The following CHN2 variants were observed in gnomAD, a reference collection of about 807,000 sequenced individuals.
CHN2 encodes the protein chimerin 2.
CHN2 carries 35 observed loss-of-function variants against 56.3 expected under a neutral mutation model. The observed-to-expected ratio is 0.62, with a 90% confidence interval of 0.47 to 0.82. The LOEUF (loss-of-function observed/expected upper bound fraction) is 0.82. Among genes scored for constraint, CHN2 ranks in the 40% least tolerant of loss-of-function variants. CHN2 has a pLI of 0.00. For synonymous variants in CHN2, 210 were observed against 212.8 expected (o/e 0.99, Z 0.12); for missense variants, 491 against 580.5 (o/e 0.85, Z 1.58).
chr7:29,169,667 C>T (rs1796344275), intron 2 of CHN2, among the ~76,000 whole-genome samples: 1 of 152,050 alleles, frequency 6.6e-6, no homozygotes, highest in East Asian at 1.9e-4. Flanking sequence ...TGGCTGCCAT[C>T]ATGTGCTGCT....
chr7:29,242,759 G>GAAAAA (rs57273690), intron 1 of CHN2, among the ~76,000 whole-genome samples: 1 of 59,730 alleles, frequency 1.7e-5, no homozygotes, highest in African/African-American at 7.1e-5. Context: ...CTTTCCTTCT[G>GAAAAA]AAAAAAAAAA....
intron 6 of CHN2, among the ~76,000 whole-genome samples, chr7:29,467,921 A>G (rs60772695): frequency 0.056 from 8,472 of 152,194 alleles, 337 homozygotes; most frequent in East Asian, 0.22. Flanking sequence ...TACGATTCTA[A>G]TAAGATTTAG....
chr7:29,305,170 TTCCC>T (rs1794043047), intron 1 of CHN2, among the ~76,000 whole-genome samples: 2 of 152,116 alleles, frequency 1.3e-5, no homozygotes, highest in African/African-American at 4.8e-5. Context: ...GGCCAGGAAA[TTCCC>T]AGTGATTGTT....
At chr7:29,377,198 A>G (rs1800140767) in intron 3 of CHN2, among the ~76,000 whole-genome samples, 1 of 151,814 alleles carries the variant, frequency 6.6e-6, no homozygotes, top group African/African-American at 2.4e-5. Flanking sequence ...TAATTTTTGT[A>G]TTTTTAGTAG....
At chr7:29,447,008 C>G (rs1245155975) in intron 6 of CHN2, among the ~76,000 whole-genome samples, 4 of 152,170 alleles carry the variant, frequency 2.6e-5, no homozygotes, top group African/African-American at 9.7e-5. Flanking sequence ...GTAACTTTAA[C>G]TGCATCCAAA....
chr7:29,217,567 T>A (rs1163121847), intron 1 of CHN2, among the ~76,000 whole-genome samples: 2 of 152,210 alleles, frequency 1.3e-5, no homozygotes, highest in Non-Finnish European at 2.9e-5. Context: ...AGAAAATTAA[T>A]CTTCATGATG....
At chr7:29,203,600 C>A (rs1225885609) in intron 1 of CHN2, among the ~76,000 whole-genome samples, 1 of 151,334 alleles carries the variant, frequency 6.6e-6, no homozygotes, top group Non-Finnish European at 1.5e-5. Context: ...GCGTGGCTTA[C>A]ATTATATTTG....
chr7:29,347,671 GA>G (rs1797563051), intron 1 of CHN2, among the ~76,000 whole-genome samples: 1 of 152,188 alleles, frequency 6.6e-6, no homozygotes, highest in Admixed American at 6.5e-5. Context: ...CAGTTTTCAA[GA>G]TGAAACTTGA....
At chr7:29,507,534 T>C (rs1386973736) in intron 11 of CHN2, among the ~76,000 whole-genome samples, 169 bp downstream of exon 11, 2 of 152,236 alleles carry the variant, frequency 1.3e-5, no homozygotes, top group African/African-American at 4.8e-5. Flanking sequence ...ACAGCTGAGC[T>C]GAACCAGTTC....
In CHN2 at chr7:29,448,519, G is replaced by A. The variant is rs79861285; in HGVS notation, c.577-31760G>A. 5.0e-3 allele frequency among the ~76,000 whole-genome samples: 767 copies of A among 152,166 alleles called. 2 individuals are homozygous for A. Among genetic ancestry groups the A allele is most frequent in the Middle Eastern group, 0.014 (4 of 294 alleles). ...TTCTTCACCAGCTACCCCACCCCAA[G>A]CTTTTAGATGTGACCCAGTCTCCTA... On this transcript the variant is annotated intron_variant, in intron 6 of 12. Transcript: ENST00000222792.
At chr7:29,306,247 C>A (rs1332894474) in intron 1 of CHN2, among the ~76,000 whole-genome samples, 2 of 152,148 alleles carry the variant, frequency 1.3e-5, no homozygotes, top group South Asian at 4.1e-4. Context: ...GACTTGAAAG[C>A]ATTCTATTGC....
At chr7:29,166,151 C>CT (rs1417000710) in intron 2 of CHN2, among the ~76,000 whole-genome samples, 4 of 152,200 alleles carry the variant, frequency 2.6e-5, no homozygotes, top group South Asian at 4.2e-4. Context: ...CTGCCTCACC[C>CT]TCCCAAGTAG....
chr7:29,386,157 G>A (rs571505518), intron 3 of CHN2, among the ~76,000 whole-genome samples: 1 of 152,290 alleles, frequency 6.6e-6, no homozygotes, highest in South Asian at 2.1e-4. Flanking sequence ...AGATTTTAGA[G>A]TCTGCTCAAT....
chr7:29,226,718 T>C (rs988698678), intron 1 of CHN2, among the ~76,000 whole-genome samples: 1 of 152,252 alleles, frequency 6.6e-6, no homozygotes, highest in Non-Finnish European at 1.5e-5. Flanking sequence ...TCTGGAATTA[T>C]CCTGGTGATC....
chr7:29,388,049 A>T (rs540506859), intron 3 of CHN2, among the ~76,000 whole-genome samples: 2 of 152,314 alleles, frequency 1.3e-5, no homozygotes, highest in African/African-American at 4.8e-5. Flanking sequence ...GCATTTTAGT[A>T]ATATTTGGAA....
chr7:29,459,761 G>A (rs1785017955), intron 6 of CHN2, among the ~76,000 whole-genome samples: 1 of 152,142 alleles, frequency 6.6e-6, no homozygotes, highest in South Asian at 2.1e-4. Flanking sequence ...CTCCCTGCAT[G>A]GCAGGCTCAG....
At chr7:29,283,408 G>A (rs1488815372) in intron 1 of CHN2, among the ~76,000 whole-genome samples, 1 of 152,120 alleles carries the variant, frequency 6.6e-6, no homozygotes, top group African/African-American at 2.4e-5. Flanking sequence ...TACACGATCT[G>A]TAGAATCCTC....
In CHN2 at chr7:29,432,287, G is replaced by A. The variant is rs143797474; in HGVS notation, c.576+31459G>A. On this transcript the variant is annotated intron_variant, in intron 6 of 12. Coordinates refer to ENST00000222792, the MANE Select transcript of CHN2 (RefSeq NM_004067.4). ...CCTGACCCAGAAGCATGAATGATAT[G>A]TCTTGCTATAATACAGTGATGTCCC... is the stretch of plus-strand genomic sequence containing the variant. 1.2e-3 allele frequency among the ~76,000 whole-genome samples: 184 copies of A among 152,304 alleles called. 1 individual carries two copies. Among genetic ancestry groups the A allele is most frequent in the Non-Finnish European group, 2.2e-3 (153 of 68,020 alleles).
intron 2 of CHN2, among the ~76,000 whole-genome samples, chr7:29,365,922 T>C (rs1799124211): frequency 1.3e-5 from 2 of 152,164 alleles, no homozygotes; most frequent in South Asian, 2.1e-4. Context: ...ATGATAGTGA[T>C]GAAGAGGAGT....
Sources: allele counts gnomAD v4.1 joint callset (sites outside exome capture counted in the v4.1 genomes callset), GRCh38; gene constraint gnomAD v4.1.1; transcripts MANE v1.5; gene names NCBI Gene and HGNC (gene_info 2026-07-23, HGNC 2026-07-21).